The following SULT2B1 variants were observed in gnomAD, a reference collection of about 807,000 sequenced individuals.
SULT2B1 encodes the protein sulfotransferase 2B1.
A neutral mutation model predicts 33.2 loss-of-function variants in SULT2B1; 16 were observed. The observed-to-expected ratio is 0.48, with a 90% CI of 0.33 to 0.73. The LOEUF is 0.73. SULT2B1 is among the 30% of genes least tolerant of loss of function. The pLI is 0.02. For missense variants in SULT2B1, 500 were observed against 506.0 expected, an observed-to-expected ratio of 0.99 and a Z score of 0.11; for synonymous variants, 186 against 200.5, an observed-to-expected ratio of 0.93 and a Z score of 0.61.
At chr19:48,579,596 TCTTTC>T (rs1973457855) in intron 2 of SULT2B1, among the ~76,000 whole-genome samples, 1 of 59,612 alleles carries the variant, frequency 1.7e-5, no homozygotes, top group South Asian at 4.8e-4. Flanking sequence ...TCTTTTCTTT[TCTTTC>T]TTTCTTTTTT....
intron 1 of SULT2B1, among the ~76,000 whole-genome samples, chr19:48,575,223 C>A (rs1360394389): frequency 6.7e-6 from 1 of 148,940 alleles, no homozygotes; most frequent in East Asian, 2.0e-4. Context: ...ATTATCCTGC[C>A]TCAGCCTCCC....
intron 1 of SULT2B1, among the ~76,000 whole-genome samples, chr19:48,567,643 C>T (rs1973263387): frequency 6.6e-6 from 1 of 152,066 alleles, no homozygotes; most frequent in Non-Finnish European, 1.5e-5. Context: ...CTGCCACTTC[C>T]CAGCTCTCCT....
intron 2 of SULT2B1, among the ~76,000 whole-genome samples, chr19:48,576,472 C>T (rs1362501449): frequency 6.8e-6 from 1 of 146,858 alleles, no homozygotes; most frequent in African/African-American, 2.5e-5. Context: ...GCTGGGATTA[C>T]AGGCGTGAAC....
intron 1 of SULT2B1, among the ~76,000 whole-genome samples, chr19:48,560,862 C>T (rs556873718): frequency 1.3e-5 from 2 of 151,928 alleles, no homozygotes; most frequent in East Asian, 1.9e-4. Flanking sequence ...TTTGGGAGGC[C>T]GAGGTGGGCC....
At chr19:48,585,468 G>A (rs573604762) in intron 2 of SULT2B1, among the ~76,000 whole-genome samples, 18 of 152,162 alleles carry the variant, frequency 1.2e-4, no homozygotes, top group Admixed American at 8.5e-4. Flanking sequence ...AAGAGTTCGA[G>A]ACCAGCCTGG....
chr19:48,598,941 G>A (rs1021237698), intron 6 of SULT2B1, among the ~76,000 whole-genome samples, 194 bp from the exon 7 acceptor site: 5 of 152,048 alleles, frequency 3.3e-5, no homozygotes, highest in African/African-American at 1.2e-4. Flanking sequence ...TGAGAACGGC[G>A]CCAGGTGACA....
In SULT2B1 at chr19:48,576,359, C is replaced by CTTTTCTTTTTTTTTTTTTTTTTTTT; in HGVS notation, c.214+280_214+281insCTTTTTTTTTTTTTTTTTTTTTTTT. Reference sequence around the variant, plus strand: ...CCTTTCCCCTTTACCCTCTACTTCTCTTTTTTTTTTTTTTTTTTGTAGAGA... The same window carrying CTTTTCTTTTTTTTTTTTTTTTTTTT: ...CCTTTCCCCTTTACCCTCTACTTCTCTTTTCTTTTTTTTTTTTTTTTTTTTTTTTTTTTTTTTTTTTTTGTAGAGA... On this transcript the variant is annotated intron_variant, in intron 2 of 6. Coordinates refer to ENST00000201586, the MANE Select transcript of SULT2B1 (RefSeq NM_177973.2). Among the ~76,000 whole-genome samples the CTTTTCTTTTTTTTTTTTTTTTTTTT allele has an allele frequency of 3.5e-4, 34 of 96,712 alleles. 1 individual carries two copies. Among genetic ancestry groups the CTTTTCTTTTTTTTTTTTTTTTTTTT allele is most frequent in the African/African-American group, 4.7e-4 (11 of 23,278 alleles). 63.4% of individuals were successfully genotyped at this position (96,712 alleles called of 152,430 possible). A position where few individuals can be genotyped will look rare whatever the true frequency, so the allele number is the denominator to read the frequency against.
At chr19:48,585,817 C>T (rs536521026) in intron 2 of SULT2B1, among the ~76,000 whole-genome samples, 59 of 152,110 alleles carry the variant, frequency 3.9e-4, no homozygotes, top group Middle Eastern at 3.4e-3. Context: ...TACCCTAAAA[C>T]TTAAAGTATA....
chr19:48,580,423 C>A (rs1973471143), intron 2 of SULT2B1, among the ~76,000 whole-genome samples: 1 of 151,970 alleles, frequency 6.6e-6, no homozygotes, highest in African/African-American at 2.4e-5. Context: ...CCACGCCCAG[C>A]TAATTTTTGT....
rs531196586 is a variant in SULT2B1, at chr19:48,583,315, TAACTC to T, written c.215-3912_215-3908del. Reference sequence around the variant, plus strand: ...AAAATTAAAGATAGAATTACCATATTAACTCAGCAGTTCCACTTCCAGGAATATGC... The same window carrying T: ...AAAATTAAAGATAGAATTACCATATTAGCAGTTCCACTTCCAGGAATATGC... On this transcript the variant is annotated intron_variant, in intron 2 of 6. Transcript: ENST00000201586. Among the ~76,000 whole-genome samples the T allele has an allele frequency of 1.2e-4, 19 of 152,236 alleles. No homozygotes were observed. The South Asian group carries it at 3.7e-3, about 30-fold the overall frequency.
At chr19:48,556,604 C>A (rs1011252052) in intron 1 of SULT2B1, among the ~76,000 whole-genome samples, 2 of 151,668 alleles carry the variant, frequency 1.3e-5, no homozygotes, top group Non-Finnish European at 1.5e-5. Context: ...TTTTTAAGCA[C>A]CTCCAGGGAG....
At chr19:48,596,145 A>T (rs1190814761) in intron 5 of SULT2B1, 6 of 152,016 alleles carry the variant, frequency 3.9e-5, no homozygotes, top group African/African-American at 1.2e-4. Flanking sequence ...CAGGAAGGGG[A>T]GGATGAGGCC....
At chr19:48,584,279 C>T (rs1210612929) in intron 2 of SULT2B1, among the ~76,000 whole-genome samples, 1 of 152,166 alleles carries the variant, frequency 6.6e-6, no homozygotes, top group Non-Finnish European at 1.5e-5. Context: ...ATGGTCATGA[C>T]CCACTGGGTG....
At chr19:48,555,549 C>CCTCTCTCTCTCTTTCTCT (rs1973087490) in intron 1 of SULT2B1, among the ~76,000 whole-genome samples, 1 of 124,114 alleles carries the variant, frequency 8.1e-6, no homozygotes, top group Non-Finnish European at 1.6e-5. Context: ...CCAGAGACAT[C>CCTCTCTCTCTCTTTCTCT]CTCTCTCTCT....
At chr19:48,558,547 G>C (rs1382718061) in intron 1 of SULT2B1, among the ~76,000 whole-genome samples, 1 of 152,164 alleles carries the variant, frequency 6.6e-6, no homozygotes, top group African/African-American at 2.4e-5. Context: ...TTGACGGGGA[G>C]GGCGAGGAGG....
chr19:48,591,981 G>T (rs910903312), intron 4 of SULT2B1, among the ~76,000 whole-genome samples: 1 of 152,072 alleles, frequency 6.6e-6, no homozygotes, highest in Non-Finnish European at 1.5e-5. Context: ...GATACAAAAA[G>T]ACTGAGAGAG....
chr19:48,558,171 G>A (rs547325877), intron 1 of SULT2B1, among the ~76,000 whole-genome samples: 68 of 152,258 alleles, frequency 4.5e-4, no homozygotes, highest in African/African-American at 1.5e-3. Flanking sequence ...GAGGCCCAGA[G>A]AGGTTGAGTG....
chr19:48,556,235 C>T (rs895213048), intron 1 of SULT2B1, among the ~76,000 whole-genome samples: 1 of 152,142 alleles, frequency 6.6e-6, no homozygotes, highest in African/African-American at 2.4e-5. Context: ...ACACCCACGC[C>T]AGGTCCCAGG....
At chr19:48,565,537 G>A (rs1220239013) in intron 1 of SULT2B1, among the ~76,000 whole-genome samples, 2 of 151,194 alleles carry the variant, frequency 1.3e-5, no homozygotes, top group Non-Finnish European at 3.0e-5. Context: ...GCACCACTAC[G>A]CCCGGCTAAT....
Sources: gnomAD v4.1 joint callset for allele counts (sites outside exome capture counted in the v4.1 genomes callset) on GRCh38, gnomAD v4.1.1 for gene constraint, MANE v1.5 for transcripts, NCBI Gene and HGNC (gene_info 2026-07-23, HGNC 2026-07-21) for gene names.